Variants in RYR3 observed in about 807,000 individuals in gnomAD.
RYR3 encodes ryanodine receptor 3, also known as brain ryanodine receptor-calcium release channel.
RYR3 carries 207 observed loss-of-function variants against 584.3 expected under a neutral mutation model. That is an observed-to-expected ratio of 0.35 (90% CI 0.32 to 0.40). The LOEUF (loss-of-function observed/expected upper bound fraction) is 0.40. Ranked by LOEUF, RYR3 falls within the 10% of genes least tolerant of loss-of-function variation. The pLI is 1.00. For synonymous variants in RYR3, 2,416 were observed against 2,248.5 expected, an observed-to-expected ratio of 1.07 and a Z score of -2.11; for missense variants, 5,616 against 6,089.2, an observed-to-expected ratio of 0.92 and a Z score of 2.59.
chr15:33,493,109 G>A (rs2051112815), intron 2 of RYR3, among the ~76,000 whole-genome samples: 1 of 151,524 alleles, frequency 6.6e-6, no homozygotes, highest in African/African-American at 2.4e-5. Context: ...CTGAACATTA[G>A]CTCGAGACTT....
At chr15:33,330,434 A>G (rs1315282829) in intron 1 of RYR3, among the ~76,000 whole-genome samples, 1 of 152,046 alleles carries the variant, frequency 6.6e-6, no homozygotes, top group Non-Finnish European at 1.5e-5. Flanking sequence ...AATCAACCAT[A>G]GCTTTCTACA....
At chr15:33,830,905 A>C (rs1001215924) in intron 85 of RYR3, 58 bp from the exon 86 acceptor site, 4 of 1,579,132 alleles carry the variant, frequency 2.5e-6, no homozygotes, top group Admixed American at 1.7e-5. Context: ...CCAAACACCG[A>C]GTTTAGCTTC....
intron 59 of RYR3, among the ~76,000 whole-genome samples, 194 bp downstream of exon 59, chr15:33,756,567 A>G (rs541134855): frequency 7.2e-5 from 11 of 152,066 alleles, no homozygotes; most frequent in African/African-American, 1.2e-4. Flanking sequence ...CTAGCCCCAC[A>G]CCATCACCTG....
chr15:33,432,770 T>C (rs983021895), intron 1 of RYR3, among the ~76,000 whole-genome samples: 2 of 151,696 alleles, frequency 1.3e-5, no homozygotes, highest in Admixed American at 6.6e-5. Flanking sequence ...TCTGCCTGCC[T>C]CAGTCTCCCA....
intron 3 of RYR3, among the ~76,000 whole-genome samples, chr15:33,508,840 A>T (rs2052712151): frequency 6.6e-6 from 1 of 152,196 alleles, no homozygotes; most frequent in Admixed American, 6.5e-5. Flanking sequence ...TCTTTACAGT[A>T]GGGAATACCA....
intron 3 of RYR3, among the ~76,000 whole-genome samples, chr15:33,519,498 C>T (rs2053803669): frequency 6.6e-6 from 1 of 152,084 alleles, no homozygotes. Flanking sequence ...CATGAAGGGT[C>T]CTATGTGGCT....
intron 96 of RYR3, among the ~76,000 whole-genome samples, chr15:33,854,083 C>G (rs577560774): frequency 1.3e-5 from 2 of 151,982 alleles, no homozygotes; most frequent in South Asian, 2.1e-4. Flanking sequence ...GTAGTCCCAG[C>G]TGCTTGGGAG....
At chr15:33,826,301 C>A (rs147715983) in intron 83 of RYR3, 32 bp downstream of exon 83, 5 of 1,608,880 alleles carry the variant, frequency 3.1e-6, no homozygotes, top group African/African-American at 1.3e-5. Context: ...GAGTTCCTAC[C>A]GTGTGTGAAT....
At chr15:33,605,644 T>G (rs1176972023) in intron 18 of RYR3, among the ~76,000 whole-genome samples, 1 of 152,168 alleles carries the variant, frequency 6.6e-6, no homozygotes, top group Non-Finnish European at 1.5e-5. Context: ...CCCAAAGCTT[T>G]CCTGGGTCTG....
chr15:33,654,860 A>C (rs557923615), intron 32 of RYR3, among the ~76,000 whole-genome samples: 8 of 152,384 alleles, frequency 5.2e-5, no homozygotes, highest in African/African-American at 1.9e-4. Flanking sequence ...CTCAGGTTAC[A>C]GCCTTCAGGC....
At chr15:33,623,763 G>GT (rs35485665) in intron 19 of RYR3, 44 bp from the exon 20 acceptor site, 262,821 of 1,215,232 alleles carry the variant, frequency 0.22, 14,121 homozygotes, top group East Asian at 0.38. Context: ...GGGCTGCATT[G>GT]TTTTTTTTTT....
At chr15:33,359,956 C>T (rs1210424759) in intron 1 of RYR3, among the ~76,000 whole-genome samples, 2 of 152,176 alleles carry the variant, frequency 1.3e-5, no homozygotes, top group African/African-American at 2.4e-5. Flanking sequence ...CTATGATACT[C>T]TCCATACCCT....
Position 33,864,857 on chromosome 15 carries a change from G to A in RYR3, c.14518-274G>A, listed in dbSNP as rs1211671766. The A allele has an allele frequency of 3.9e-5, 15 of 382,500 alleles. No individual in the cohort carries two copies. In the South Asian group the frequency reaches 8.4e-4, roughly 22 times the overall value. 23.7% of individuals were successfully genotyped at this position (382,500 alleles called of 1,614,324 possible). ...AATCAGCTTATTGCTAAATCTTTAA[G>A]TATGTTTAGTGGCAAACATTGATTG... On this transcript the variant is annotated intron_variant, in intron 103 of 103. Transcript: ENST00000634891.
At chr15:33,520,776 G>C (rs1567435975) in intron 3 of RYR3, among the ~76,000 whole-genome samples, 1 of 152,194 alleles carries the variant, frequency 6.6e-6, no homozygotes, top group African/African-American at 2.4e-5. Context: ...TGTGTTCAAA[G>C]AAAAGCACAG....
chr15:33,476,688 G>A (rs2572186), intron 2 of RYR3, among the ~76,000 whole-genome samples: 97,988 of 152,042 alleles, frequency 0.64, 32,737 homozygotes, highest in African/African-American at 0.84. Context: ...TAATGGTGTC[G>A]GAAGCATGAA....
chr15:33,496,442 C>A (rs2051431952), intron 2 of RYR3, among the ~76,000 whole-genome samples: 1 of 152,160 alleles, frequency 6.6e-6, no homozygotes, highest in South Asian at 2.1e-4. Flanking sequence ...AGGCCTGATG[C>A]AGTGGTGTAC....
rs577299352 is a variant in RYR3 at position 33,674,774 on chromosome 15, G to A, written c.5860+4218G>A. Among the ~76,000 whole-genome samples the A allele has an allele frequency of 2.2e-5, 3 of 134,124 alleles. No individual in the cohort carries two copies. The South Asian group carries it at 7.2e-4, about 32-fold the overall frequency. The allele number at this position is 134,124 out of a possible 152,430, so 88.0% of individuals were successfully genotyped here. ...GTAGATGGATGGATAAAATAAGAAG[G>A]AAAAGGCATTTTTAATGAAAAAAAA... On this transcript the variant is annotated intron_variant, in intron 38 of 103. Coordinates refer to ENST00000634891, the MANE Select transcript of RYR3 (RefSeq NM_001036.6).
In RYR3 at chr15:33,390,872, T is replaced by C. The variant is rs1314903723; in HGVS notation, c.51+79776T>C. 6.6e-6 allele frequency among the ~76,000 whole-genome samples: 1 copy of C among 152,182 alleles called. No individual in the cohort carries two copies. The highest frequency in any genetic ancestry group is 6.5e-5 in the Admixed American group (1 of 15,274). ...ATTGCACACAGTACTGTACTTTCAG[T>C]TGCTGGAGAAAGGAACATGCTCAGT... On this transcript the variant is annotated intron_variant, in intron 1 of 103. Transcript: ENST00000634891. This position sits in a 1 kb window ranked among gnomAD's most constrained non-coding sequence, Gnocchi z 4.2.
chr15:33,783,250 A>G (rs1271780543), intron 65 of RYR3, among the ~76,000 whole-genome samples: 1 of 152,190 alleles, frequency 6.6e-6, no homozygotes, highest in East Asian at 1.9e-4. Context: ...GCCGGTCTCC[A>G]GGTGATGCTG....
Sources: allele counts gnomAD v4.1 joint callset (sites outside exome capture counted in the v4.1 genomes callset), GRCh38; gene constraint gnomAD v4.1.1; non-coding constraint Gnocchi (gnomAD v3.1); transcripts MANE v1.5; gene names NCBI Gene and HGNC (gene_info 2026-07-23, HGNC 2026-07-21).